The following CSTPP1 variants were observed in gnomAD, a reference collection of about 807,000 sequenced individuals.
The protein encoded by CSTPP1 is UPF0705 protein C11orf49.
the CSTPP1 span, among the ~76,000 whole-genome samples, chr11:46,938,969 G>A: frequency 1.3e-5 from 2 of 149,982 alleles, no homozygotes; most frequent in East Asian, 4.0e-4. Context: ...TAGAGAAAGA[G>A]TCTCACTATG....
the CSTPP1 span, among the ~76,000 whole-genome samples, chr11:47,004,780 G>C: frequency 6.6e-6 from 1 of 152,174 alleles, no homozygotes; most frequent in Non-Finnish European, 1.5e-5. Flanking sequence ...TAGCAGTACA[G>C]TGATGGGCTC....
chr11:47,089,160 G>A, the CSTPP1 span, among the ~76,000 whole-genome samples: 929 of 152,278 alleles, frequency 6.1e-3, 5 homozygotes, highest in Non-Finnish European at 0.011. Flanking sequence ...AGGGCAAGGA[G>A]TAATTCTGGG....
the CSTPP1 span, among the ~76,000 whole-genome samples, chr11:47,065,839 G>C: frequency 6.6e-6 from 1 of 151,898 alleles, no homozygotes; most frequent in Non-Finnish European, 1.5e-5. Flanking sequence ...CGCCACCCGG[G>C]TTCGAGCAAT....
At chr11:47,070,169 G>A in the CSTPP1 span, among the ~76,000 whole-genome samples, 1 of 152,070 alleles carries the variant, frequency 6.6e-6, no homozygotes, top group Admixed American at 6.6e-5. Flanking sequence ...GAACATAAGT[G>A]CACTATGAAT....
chr11:46,937,803 C>T, the CSTPP1 span, among the ~76,000 whole-genome samples: 2 of 152,076 alleles, frequency 1.3e-5, no homozygotes, highest in African/African-American at 4.8e-5. Context: ...TCCAAAAGTG[C>T]TTGGATTACA....
chr11:47,136,271 C>G, the CSTPP1 span, among the ~76,000 whole-genome samples: 1 of 152,262 alleles, frequency 6.6e-6, no homozygotes, highest in African/African-American at 2.4e-5. Context: ...AGTGGATTTT[C>G]TCCCTTCCCT....
chr11:47,123,820 G>T, the CSTPP1 span, among the ~76,000 whole-genome samples: 1 of 152,128 alleles, frequency 6.6e-6, no homozygotes. Flanking sequence ...GGCCAATGTG[G>T]TGAAATCCCA....
the CSTPP1 span, among the ~76,000 whole-genome samples, chr11:47,091,437 G>A: frequency 2.0e-5 from 3 of 152,132 alleles, no homozygotes; most frequent in Non-Finnish European, 4.4e-5. Flanking sequence ...CAGAATCAAA[G>A]TGAAGTCTGA....
the CSTPP1 span, among the ~76,000 whole-genome samples, chr11:46,947,780 G>A: frequency 1.3e-5 from 2 of 152,148 alleles, no homozygotes; most frequent in Non-Finnish European, 2.9e-5. Flanking sequence ...TTCAGTTTCT[G>A]TAATCTCAGA....
chr11:47,139,005 A>AAC, the CSTPP1 span, among the ~76,000 whole-genome samples: 1 of 150,740 alleles, frequency 6.6e-6, no homozygotes, highest in Non-Finnish European at 1.5e-5. Flanking sequence ...AAAAAAAAAA[A>AAC]AAAAAAACCT....
chr11:47,008,316 C>G, the CSTPP1 span, among the ~76,000 whole-genome samples: 1 of 152,038 alleles, frequency 6.6e-6, no homozygotes, highest in South Asian at 2.1e-4. Flanking sequence ...AACTCAGGAA[C>G]TTAACATTAA....
the CSTPP1 span, among the ~76,000 whole-genome samples, chr11:47,045,513 C>A: frequency 6.6e-6 from 1 of 151,874 alleles, no homozygotes; most frequent in South Asian, 2.1e-4. Context: ...CTATCCCAAC[C>A]CTGCTGAAGG....
chr11:47,161,811 C>T, the CSTPP1 span: 1 of 1,405,678 alleles, frequency 7.1e-7, no homozygotes, highest in South Asian at 1.6e-5. Flanking sequence ...AGCCAGTGGC[C>T]CCGGAAGGTG....
the CSTPP1 span, among the ~76,000 whole-genome samples, chr11:46,980,366 T>G: frequency 6.6e-6 from 1 of 152,244 alleles, no homozygotes; most frequent in Non-Finnish European, 1.5e-5. Context: ...ACTAGCCGTA[T>G]AGCAGGACTT....
At chr11:46,970,971 A>G in the CSTPP1 span, among the ~76,000 whole-genome samples, 1 of 152,244 alleles carries the variant, frequency 6.6e-6, no homozygotes, top group Non-Finnish European at 1.5e-5. Flanking sequence ...GGAAAGATGT[A>G]CATGAAGTAT....
chr11:47,106,972 G>A, the CSTPP1 span, among the ~76,000 whole-genome samples: 2 of 152,124 alleles, frequency 1.3e-5, no homozygotes, highest in Non-Finnish European at 2.9e-5. Flanking sequence ...ACAAGGATAC[G>A]CTGTTTCCCG....
chr11:47,155,207 T>C, the CSTPP1 span: 8 of 1,614,004 alleles, frequency 5.0e-6, no homozygotes, highest in Non-Finnish European at 6.8e-6. Context: ...CATGGACTGC[T>C]TGATGTCTTT....
At chr11:47,058,845 C>G in the CSTPP1 span, among the ~76,000 whole-genome samples, 1 of 152,164 alleles carries the variant, frequency 6.6e-6, no homozygotes, top group Non-Finnish European at 1.5e-5. Flanking sequence ...TGCATCAACA[C>G]TGCATGACAG....
the CSTPP1 span, among the ~76,000 whole-genome samples, chr11:46,981,628 CT>C: frequency 3.3e-5 from 5 of 151,932 alleles, no homozygotes; most frequent in African/African-American, 1.2e-4. Flanking sequence ...TCTTGTTTTG[CT>C]TTCATTTTTG....
Sources: gnomAD v4.1 joint callset for allele counts (sites outside exome capture counted in the v4.1 genomes callset) on GRCh38, gnomAD v4.1.1 for gene constraint, MANE v1.5 for transcripts, NCBI Gene and HGNC (gene_info 2026-07-23, HGNC 2026-07-21) for gene names.